The following ASPRV1 variants were observed in gnomAD, a reference collection of about 807,000 sequenced individuals.
ASPRV1 encodes the protein retroviral-like aspartic protease 1.
A neutral mutation model predicts 11.0 loss-of-function variants in ASPRV1; 7 were observed. That is an observed-to-expected ratio of 0.64 (90% confidence interval 0.36 to 1.20). The LOEUF (loss-of-function observed/expected upper bound fraction) is 1.20. Among genes scored for constraint, ASPRV1 ranks in the 50% most tolerant of loss-of-function variants. The pLI is 0.02. For missense variants in ASPRV1, 299 were observed against 320.0 expected (o/e 0.93, Z 0.50); for synonymous variants, 136 against 138.4 (o/e 0.98, Z 0.12).
chr2:70,053,490 C>T, the ASPRV1 span, among the ~76,000 whole-genome samples: 5 of 152,274 alleles, frequency 3.3e-5, no homozygotes, highest in East Asian at 5.8e-4. Flanking sequence ...GTGTTAAGTG[C>T]TTTCATACAC....
At chr2:69,992,009 G>A in the ASPRV1 span, among the ~76,000 whole-genome samples, 9 of 152,170 alleles carry the variant, frequency 5.9e-5, 1 homozygote, top group South Asian at 8.3e-4. Context: ...CGTGGGGAAC[G>A]TGACCACCTG....
chr2:69,970,760 A>C, the ASPRV1 span: 4 of 152,068 alleles, frequency 2.6e-5, no homozygotes, highest in Non-Finnish European at 5.9e-5. Flanking sequence ...GGCTGTCCTC[A>C]CCTTTTTCCC....
chr2:70,044,550 C>T, the ASPRV1 span, among the ~76,000 whole-genome samples: 1 of 152,224 alleles, frequency 6.6e-6, no homozygotes, highest in Non-Finnish European at 1.5e-5. Flanking sequence ...ACCACCGCCT[C>T]GCGGATTCAG....
chr2:69,953,089 C>T, the ASPRV1 span, among the ~76,000 whole-genome samples: 1 of 152,200 alleles, frequency 6.6e-6, no homozygotes. Flanking sequence ...TCCTGTTTCT[C>T]CCAGCTCAGG....
chr2:69,992,636 G>A, the ASPRV1 span, among the ~76,000 whole-genome samples: 1 of 152,158 alleles, frequency 6.6e-6, no homozygotes, highest in Non-Finnish European at 1.5e-5. Flanking sequence ...TAGGCAGCTT[G>A]TTTGAGACCA....
At chr2:70,059,386 T>G in the ASPRV1 span, among the ~76,000 whole-genome samples, 3 of 150,272 alleles carry the variant, frequency 2.0e-5, no homozygotes, top group Non-Finnish European at 1.5e-5. Context: ...AGAGGGAGCA[T>G]AGTGAGGTAG....
the ASPRV1 span, among the ~76,000 whole-genome samples, chr2:69,980,758 A>G: frequency 7.1e-6 from 1 of 140,570 alleles, no homozygotes; most frequent in Non-Finnish European, 1.5e-5. Context: ...CTATAAATCC[A>G]AAATTATTTT....
the ASPRV1 span, among the ~76,000 whole-genome samples, chr2:70,039,183 G>A: frequency 9.2e-5 from 14 of 152,022 alleles, no homozygotes; most frequent in African/African-American, 3.4e-4. Context: ...GGAATAACCA[G>A]TATTAGAATT....
the ASPRV1 span, among the ~76,000 whole-genome samples, chr2:70,084,334 G>C: frequency 6.6e-6 from 1 of 152,154 alleles, no homozygotes; most frequent in African/African-American, 2.4e-5. Flanking sequence ...TCTAACACTT[G>C]GTAATATTTT....
the ASPRV1 span, among the ~76,000 whole-genome samples, chr2:69,944,158 C>T: frequency 1.3e-5 from 2 of 152,188 alleles, no homozygotes; most frequent in Admixed American, 6.5e-5. Flanking sequence ...ACAAAAGCTA[C>T]GTTCTCTAAA....
At chr2:70,001,886 G>A in the ASPRV1 span, among the ~76,000 whole-genome samples, 1 of 152,134 alleles carries the variant, frequency 6.6e-6, no homozygotes, top group Non-Finnish European at 1.5e-5. Context: ...TAAATTCATA[G>A]TGAAATATAA....
chr2:69,963,552 G>A, upstream of ASPRV1: 2 of 421,046 alleles, frequency 4.8e-6, no homozygotes, highest in African/African-American at 2.0e-5. Flanking sequence ...GGAGGAGCGA[G>A]GCAGGTGGCT....
the ASPRV1 span, among the ~76,000 whole-genome samples, chr2:70,058,645 C>A: frequency 2.6e-5 from 4 of 151,618 alleles, no homozygotes; most frequent in Middle Eastern, 3.2e-3. Context: ...CTCCACCTCC[C>A]AGGTTCAGGC....
chr2:69,944,168 A>G, the ASPRV1 span, among the ~76,000 whole-genome samples: 1 of 152,332 alleles, frequency 6.6e-6, no homozygotes, highest in East Asian at 1.9e-4. Context: ...CGTTCTCTAA[A>G]GCATCAGGAT....
At chr2:69,982,629 G>C in the ASPRV1 span, among the ~76,000 whole-genome samples, 1 of 152,122 alleles carries the variant, frequency 6.6e-6, no homozygotes, top group Non-Finnish European at 1.5e-5. Context: ...TGGGACAGAC[G>C]CACCTGGGTG....
the ASPRV1 span, among the ~76,000 whole-genome samples, chr2:70,024,727 C>A: frequency 4.6e-5 from 7 of 152,106 alleles, no homozygotes; most frequent in African/African-American, 1.7e-4. Flanking sequence ...TCATTGGGTG[C>A]CACACCACTT....
At chr2:69,989,192 T>G in the ASPRV1 span, among the ~76,000 whole-genome samples, 1 of 152,238 alleles carries the variant, frequency 6.6e-6, no homozygotes, top group Admixed American at 6.5e-5. Context: ...CATCTCCTCC[T>G]GGAGGGCAGG....
the ASPRV1 span, among the ~76,000 whole-genome samples, chr2:70,041,638 T>C: frequency 2.6e-5 from 4 of 152,222 alleles, no homozygotes; most frequent in Admixed American, 2.0e-4. Context: ...AACTTGAGAC[T>C]GATGCTGAGA....
At chr2:70,042,993 G>A in the ASPRV1 span, among the ~76,000 whole-genome samples, 2 of 152,212 alleles carry the variant, frequency 1.3e-5, no homozygotes, top group Non-Finnish European at 2.9e-5. Context: ...ATTGTAAGGA[G>A]TTCAGAAAGG....
Sources: allele counts gnomAD v4.1 joint callset (sites outside exome capture counted in the v4.1 genomes callset), GRCh38; gene constraint gnomAD v4.1.1; transcripts MANE v1.5; gene names NCBI Gene and HGNC (gene_info 2026-07-23, HGNC 2026-07-21).